The following MARF1 variants were observed in gnomAD, a reference collection of about 807,000 sequenced individuals.
MARF1 encodes meiosis regulator and mRNA stability factor 1.
Under a neutral mutation model 168.2 loss-of-function variants are expected in MARF1, and 24 were observed. The ratio of observed to expected loss-of-function variants is 0.14; its 90% CI spans 0.10 to 0.20. The LOEUF (loss-of-function observed/expected upper bound fraction) is 0.20. MARF1 is among the 10% of genes least tolerant of loss of function. The probability of loss-of-function intolerance (pLI) is 1.00; values close to 1 mark genes in which losing one functional copy is unlikely to be tolerated. For synonymous variants in MARF1, 868 were observed against 822.4 expected, an observed-to-expected ratio of 1.06 and a Z score of -0.95; for missense variants, 1,744 against 2,143.6, an observed-to-expected ratio of 0.81 and a Z score of 3.68.
At chr16:15,618,074 C>A (rs371612977) in intron 13 of MARF1, among the ~76,000 whole-genome samples, 2 of 152,330 alleles carry the variant, frequency 1.3e-5, no homozygotes, top group East Asian at 3.9e-4. Flanking sequence ...GACTCCACTT[C>A]AACCTGTGTG....
In MARF1 at chr16:15,598,971, C is replaced by T; in HGVS notation, c.4867G>A (p.Asp1623Asn). ...GAGGGGACAGGCGCACACAGGAGGT[C>T]GACGGGGGAGTCGTCGGTCAGGCGG... ...LLRLTDDSPV[D>N]LLCAPVPSCL... Residue 1623 changes from aspartate to asparagine, a missense_variant, in exon 26 of 27, where the codon GAC becomes AAC. By Grantham distance (23) the Asp-to-Asn change is conservative (BLOSUM62 1). Transcript: ENST00000396368. 1 of 1,612,408 alleles carries T rather than the reference C, an allele frequency of 6.2e-7. No individual in the cohort carries two copies. The highest frequency in any genetic ancestry group is 8.5e-7 in the Non-Finnish European group (1 of 1,179,416).
At chr16:15,623,274 CTTTT>C (rs71375044) in intron 10 of MARF1, 151 bp from the exon 11 acceptor site, 285 of 119,002 alleles carry the variant, frequency 2.4e-3, no homozygotes, top group East Asian at 5.9e-3. Flanking sequence ...TGTTTTTAAT[CTTTT>C]TTTTTTTTTT....
chr16:15,617,646 T>C (rs2151160963), intron 13 of MARF1, 111 bp from the exon 14 acceptor site: 1 of 730,446 alleles, frequency 1.4e-6, no homozygotes, highest in East Asian at 2.5e-5. Flanking sequence ...CCTCCATCTC[T>C]TCAAAGGTAA....
At chr16:15,631,346 G>A (rs767772639) in intron 6 of MARF1, 35 bp downstream of exon 6, 13 of 1,411,444 alleles carry the variant, frequency 9.2e-6, no homozygotes, top group African/African-American at 1.4e-5. Flanking sequence ...CACACAGTGA[G>A]TTTAGCTGAA....
chr16:15,619,309 T>C (rs1319511614), intron 13 of MARF1, among the ~76,000 whole-genome samples: 1 of 152,200 alleles, frequency 6.6e-6, no homozygotes, highest in Non-Finnish European at 1.5e-5. Context: ...AAAAATTAGT[T>C]ACCCACTCTA....
chr16:15,636,432 A>G, intron 2 of MARF1, 90 bp from the exon 3 acceptor site: 1 of 893,646 alleles, frequency 1.1e-6, no homozygotes, highest in Non-Finnish European at 1.7e-6. Context: ...AAACAGAAAT[A>G]GTGTTCAATT....
chr16:15,597,263 T>TA (rs1353335316), intron 26 of MARF1, among the ~76,000 whole-genome samples: 6 of 152,310 alleles, frequency 3.9e-5, no homozygotes, highest in African/African-American at 1.4e-4. Flanking sequence ...TGCCAGATAT[T>TA]AAGGACCCAT....
At position 15,596,618 on chromosome 16, in the gene MARF1, G is replaced by T; in HGVS notation, c.*75C>A. On this transcript the variant is annotated 3_prime_UTR_variant, in exon 27 of 27. Transcript: ENST00000396368. ...GGGTTTTCATGACACAGAAAAGGATGTATTTTTGAAACCCACTTTTGTGTG... is the reference window on the plus strand; with the variant it reads ...GGGTTTTCATGACACAGAAAAGGATTTATTTTTGAAACCCACTTTTGTGTG... The T allele has an allele frequency of 7.0e-7, 1 of 1,423,788 alleles. No homozygotes were observed. The highest frequency in any genetic ancestry group is 9.4e-7 in the Non-Finnish European group (1 of 1,066,278). The allele number at this position is 1,423,788 out of a possible 1,614,324, so 88.2% of individuals were successfully genotyped here. A position where few individuals can be genotyped will look rare whatever the true frequency, so the allele number is the denominator to read the frequency against.
At chr16:15,609,030 G>T (rs1319790666) in intron 20 of MARF1, among the ~76,000 whole-genome samples, 1 of 152,224 alleles carries the variant, frequency 6.6e-6, no homozygotes, top group Non-Finnish European at 1.5e-5. Flanking sequence ...ACTGAGGTCA[G>T]GAGCTCAAGA....
chr16:15,605,727 A>G (rs7192185), intron 21 of MARF1: 113,778 of 152,002 alleles, frequency 0.75, 43,521 homozygotes, highest in African/African-American at 0.92. Flanking sequence ...AAGAATCTGA[A>G]AGGTAAGGTT....
rs138186557 is a variant in MARF1, at chr16:15,623,739, T to C, written c.2271-616A>G. Among the ~76,000 whole-genome samples, 3 of 152,324 alleles carry C rather than the reference T, an allele frequency of 2.0e-5. No homozygotes were observed. The East Asian group carries it at 5.8e-4, about 29-fold the overall frequency. Reference sequence around the variant, plus strand: ...CCTGATGAATTAACCTTCTGCTTTGTGCATTATCCTTAGGAAATCAGCCTG... The same window carrying C: ...CCTGATGAATTAACCTTCTGCTTTGCGCATTATCCTTAGGAAATCAGCCTG... On this transcript the variant is annotated intron_variant, in intron 10 of 26. Transcript: ENST00000396368.
In MARF1 at chr16:15,598,911, C is replaced by T. The variant is rs946990272; in HGVS notation, c.4927G>A (p.Val1643Ile). 1.9e-6 allele frequency: 3 copies of T among 1,613,764 alleles called. No homozygotes were observed. Among genetic ancestry groups the T allele is most frequent in the Admixed American group, 1.7e-5 (1 of 59,976 alleles). The change falls in exon 26 of 27, where the codon GTT (valine) becomes ATT (isoleucine). Residue 1643 changes from valine (V) to isoleucine (I), a missense_variant. Coordinates refer to ENST00000396368, the MANE Select transcript of MARF1 (RefSeq NM_014647.4). ...ATGAGATCAGCAGATTGGAGGATAA[C>T]GGGGTCTGGTCTCAGCTGAGGGGAC... ...LPSPQLRPDP[V>I]ILQSADLIQF...
intron 16 of MARF1, 45 bp downstream of exon 16, chr16:15,615,785 A>C (rs754615596): frequency 3.6e-6 from 5 of 1,401,240 alleles, no homozygotes; most frequent in Non-Finnish European, 4.7e-6. Flanking sequence ...CTCTGGTCTC[A>C]TAGTGGACAG....
At chr16:15,612,459 T>G (rs1343981014) in intron 17 of MARF1, 98 bp downstream of exon 17, 2 of 1,067,654 alleles carry the variant, frequency 1.9e-6, no homozygotes, top group Admixed American at 3.5e-5. Flanking sequence ...TGCCCAGAAC[T>G]GACTTCTTAG....
Position 15,609,740 on chromosome 16 carries a change from A to G in MARF1, c.3752-15T>C, listed in dbSNP as rs756946682. On this transcript the variant is annotated splice_polypyrimidine_tract_variant and intron_variant, in intron 19 of 26. Coordinates refer to ENST00000396368, the MANE Select transcript of MARF1 (RefSeq NM_014647.4). ...CTGAGTGCGTTCTTTTAAAAAAACCAAAAAACATAAAATCACAGTTTTTTT... is the reference window on the plus strand; with the variant it reads ...CTGAGTGCGTTCTTTTAAAAAAACCGAAAAACATAAAATCACAGTTTTTTT... 6.2e-7 allele frequency: 1 copy of G among 1,607,012 alleles called. No individual in the cohort carries two copies.
chr16:15,639,868 C>T (rs1230047073), intron 1 of MARF1, among the ~76,000 whole-genome samples: 1 of 152,158 alleles, frequency 6.6e-6, no homozygotes, highest in African/African-American at 2.4e-5. Context: ...CTATAATCTG[C>T]CATTCTTCAT....
At chr16:15,621,688 G>A in intron 12 of MARF1, 45 bp downstream of exon 12, 1 of 1,561,670 alleles carries the variant, frequency 6.4e-7, no homozygotes, top group Non-Finnish European at 8.7e-7. Flanking sequence ...ATTGTTTCTG[G>A]GTCAAATGTT....
At chr16:15,636,708 C>T (rs2035621611) in intron 2 of MARF1, among the ~76,000 whole-genome samples, 1 of 152,146 alleles carries the variant, frequency 6.6e-6, no homozygotes, top group Non-Finnish European at 1.5e-5. Context: ...AAAACAACCC[C>T]TCACAAACAG....
intron 16 of MARF1, among the ~76,000 whole-genome samples, chr16:15,613,423 G>A (rs1270569779): frequency 2.0e-5 from 3 of 152,030 alleles, no homozygotes; most frequent in Non-Finnish European, 2.9e-5. Flanking sequence ...GCTGAGGCGG[G>A]CGGATCACGA....
Sources: allele counts gnomAD v4.1 joint callset (sites outside exome capture counted in the v4.1 genomes callset), GRCh38; gene constraint gnomAD v4.1.1; transcripts MANE v1.5; gene names NCBI Gene and HGNC (gene_info 2026-07-23, HGNC 2026-07-21).